GOLGA1: variants seen among roughly 807,000 people sequenced by gnomAD.
GOLGA1 encodes the protein golgin subfamily A member 1.
A neutral mutation model predicts 119.7 loss-of-function variants in GOLGA1; 63 were observed. That is an observed-to-expected ratio of 0.53 (90% CI 0.43 to 0.65). GOLGA1 has a LOEUF of 0.65. GOLGA1 is among the 30% of genes least tolerant of loss of function. The probability of loss-of-function intolerance (pLI) is 0.00; values close to 1 mark genes in which losing one functional copy is unlikely to be tolerated. For missense variants in GOLGA1, 798 were observed against 912.8 expected (o/e 0.87, Z 1.62); for synonymous variants, 318 against 333.4 (o/e 0.95, Z 0.50).
chr9:124,882,072 C>G (rs1170386002), intron 20 of GOLGA1, 118 bp from the exon 21 acceptor site: 2 of 713,600 alleles, frequency 2.8e-6, no homozygotes, highest in Non-Finnish European at 4.6e-6. Flanking sequence ...AAGGGCCCCA[C>G]CTGGGAAGGA....
chr9:124,928,158 C>G, intron 6 of GOLGA1, 30 bp downstream of exon 6: 1 of 906,264 alleles, frequency 1.1e-6, no homozygotes, highest in Non-Finnish European at 1.7e-6. Context: ...ATCTTTCCAC[C>G]AGTTCTGGGC....
intron 10 of GOLGA1, among the ~76,000 whole-genome samples, chr9:124,918,190 G>A (rs189990085): frequency 2.0e-4 from 31 of 152,178 alleles, no homozygotes; most frequent in East Asian, 3.9e-4. Context: ...ACTAAATCTC[G>A]TAGTTTTCTT....
intron 10 of GOLGA1, among the ~76,000 whole-genome samples, chr9:124,914,236 G>A (rs551587121): frequency 3.1e-4 from 47 of 152,300 alleles, no homozygotes; most frequent in African/African-American, 8.4e-4. Flanking sequence ...GGTGGCTCAC[G>A]CCTGTAATCC....
intron 5 of GOLGA1, among the ~76,000 whole-genome samples, 193 bp downstream of exon 5, chr9:124,929,023 C>A (rs1830722877): frequency 6.6e-6 from 1 of 152,112 alleles, no homozygotes; most frequent in Non-Finnish European, 1.5e-5. Flanking sequence ...GAGTCATGCC[C>A]ATAAGCCAAC....
intron 10 of GOLGA1, among the ~76,000 whole-genome samples, chr9:124,915,121 T>C (rs78851328): frequency 0.058 from 8,891 of 152,228 alleles, 370 homozygotes; most frequent in Middle Eastern, 0.16. Flanking sequence ...CTCACAGTTA[T>C]AGTCCCAGAA....
upstream of GOLGA1, chr9:124,943,820 A>C (rs1831097959): frequency 6.6e-6 from 1 of 152,230 alleles, no homozygotes; most frequent in South Asian, 2.1e-4. Context: ...TTCCAATGGA[A>C]ACTGCTCAGA....
intron 7 of GOLGA1, among the ~76,000 whole-genome samples, chr9:124,924,409 C>T (rs1048902560): frequency 2.0e-5 from 3 of 151,926 alleles, no homozygotes; most frequent in African/African-American, 4.8e-5. Context: ...GTGGGCCTAT[C>T]GGTTGAGCAC....
chr9:124,940,524 C>T (rs767709529), intron 1 of GOLGA1, among the ~76,000 whole-genome samples: 2 of 152,160 alleles, frequency 1.3e-5, no homozygotes, highest in African/African-American at 2.4e-5. Context: ...CCGGCCAGAC[C>T]CTGGGCGTCT....
At chr9:124,926,893 T>G (rs1830685500) in intron 6 of GOLGA1, 152 bp from the exon 7 acceptor site, 1 of 566,534 alleles carries the variant, frequency 1.8e-6, no homozygotes, top group Admixed American at 3.4e-5. Flanking sequence ...AAACTTGGTT[T>G]AATATTAAGA....
At chr9:124,929,589 C>G (rs1328431917) in intron 4 of GOLGA1, among the ~76,000 whole-genome samples, 3 of 152,196 alleles carry the variant, frequency 2.0e-5, no homozygotes, top group Non-Finnish European at 4.4e-5. Flanking sequence ...ATGAAAAACA[C>G]AGATTTATCT....
In GOLGA1 at chr9:124,908,483, A is replaced by G. The variant is rs772988341; in HGVS notation, c.970-11T>C. On this transcript the variant is annotated splice_polypyrimidine_tract_variant and intron_variant, in intron 11 of 22. Coordinates refer to ENST00000373555, the MANE Select transcript of GOLGA1 (RefSeq NM_002077.4). ...CTCAGCAAGTGTTTTCTGTAAGTTG[A>G]AAGAAGAGTAAAAGAAGACTATCAT... The G allele has an allele frequency of 3.6e-6, 5 of 1,374,960 alleles. No individual in the cohort carries two copies. The South Asian group carries it at 5.8e-5, about 16-fold the overall frequency. The allele number at this position is 1,374,960 out of a possible 1,614,324, so 85.2% of individuals were successfully genotyped here.
At chr9:124,928,047 C>G in intron 6 of GOLGA1, 141 bp downstream of exon 6, 1 of 507,832 alleles carries the variant, frequency 2.0e-6, no homozygotes, top group Non-Finnish European at 3.5e-6. Flanking sequence ...AAGAAAAGGC[C>G]AAAGAAAACC....
chr9:124,936,152 A>G (rs1405233224), intron 3 of GOLGA1, among the ~76,000 whole-genome samples: 4 of 152,176 alleles, frequency 2.6e-5, no homozygotes, highest in Non-Finnish European at 5.9e-5. Context: ...TGAAGGCAAA[A>G]CAGGTCCATC....
chr9:124,902,447 G>C (rs1409400175), intron 12 of GOLGA1, among the ~76,000 whole-genome samples: 1 of 151,262 alleles, frequency 6.6e-6, no homozygotes, highest in Non-Finnish European at 1.5e-5. Context: ...CACAAGGAAG[G>C]CTGTATGCAG....
intron 19 of GOLGA1, among the ~76,000 whole-genome samples, chr9:124,886,770 G>A (rs1829730158): frequency 6.6e-6 from 1 of 152,090 alleles, no homozygotes; most frequent in African/African-American, 2.4e-5. Flanking sequence ...GCTGTGGCAC[G>A]TCCCTTCTCA....
intron 19 of GOLGA1, among the ~76,000 whole-genome samples, chr9:124,886,804 A>G (rs372899981): frequency 2.0e-5 from 3 of 152,036 alleles, no homozygotes; most frequent in African/African-American, 7.2e-5. Context: ...TGGGAGCACC[A>G]GGGTGGGTGA....
At chr9:124,934,198 C>T (rs575295286) in intron 3 of GOLGA1, among the ~76,000 whole-genome samples, 1 of 152,286 alleles carries the variant, frequency 6.6e-6, no homozygotes, top group South Asian at 2.1e-4. Context: ...GACTCTATAA[C>T]CTGACCTGAG....
chr9:124,944,455 A>G (rs1431598418), upstream of GOLGA1: 1 of 132,084 alleles, frequency 7.6e-6, no homozygotes, highest in East Asian at 2.2e-4. Context: ...GCACACCACC[A>G]TGCCTGGCTA....
rs547712528 is a variant in GOLGA1, at chr9:124,894,852, C to T, written c.1407+3697G>A. 3.3e-5 allele frequency among the ~76,000 whole-genome samples: 5 copies of T among 152,258 alleles called. No homozygotes were observed. The East Asian group carries it at 9.6e-4, about 29-fold the overall frequency. ...AGCATCTTATCATGCATATTTGCAG[C>T]AAATACAACAAAGAACTTCCACAAC... On this transcript the variant is annotated intron_variant, in intron 15 of 22. Coordinates refer to ENST00000373555, the MANE Select transcript of GOLGA1 (RefSeq NM_002077.4).
Sources: allele counts gnomAD v4.1 joint callset (sites outside exome capture counted in the v4.1 genomes callset), GRCh38; gene constraint gnomAD v4.1.1; transcripts MANE v1.5; gene names NCBI Gene and HGNC (gene_info 2026-07-23, HGNC 2026-07-21).